Variants in PGBD4 observed in about 807,000 individuals in gnomAD.
PGBD4 encodes the protein piggyBac transposable element derived 4.
PGBD4 carries 1 observed loss-of-function variant against 0.3 expected under a neutral mutation model. The observed-to-expected ratio is 3.72, with a 90% CI of 1.32 to 17.64. The LOEUF (loss-of-function observed/expected upper bound fraction) is 17.64, where lower values mean the gene tolerates loss of function less well. Ranked by LOEUF, PGBD4 falls within the 30% of genes most tolerant of loss-of-function variation. PGBD4 has a pLI of 0.11. For synonymous variants in PGBD4, 253 were observed against 267.7 expected (o/e 0.95, Z 0.54); for missense variants, 624 against 719.7 (o/e 0.87, Z 1.52).
rs1426551346 is a variant in PGBD4, at chr15:34,106,832, G to T, written c.*2543G>T. 1 of 151,832 alleles carries T rather than the reference G, an allele frequency of 6.6e-6. No homozygotes were observed. Among genetic ancestry groups the T allele is most frequent in the African/African-American group, 2.4e-5 (1 of 41,330 alleles). 9.4% of individuals were successfully genotyped at this position (151,832 alleles called of 1,614,324 possible). On this transcript the variant is annotated 3_prime_UTR_variant, in exon 1 of 1. Transcript: ENST00000397766. ...TGCCTGTAGTCCCAGCTACTCAGAA[G>T]GTTGAAGCAGGAGGATCACTTGAGG...
At position 34,103,777 on chromosome 15, in the gene PGBD4, A is replaced by G; in HGVS notation, c.1246A>G (p.Lys416Glu). The stretch of plus-strand genomic sequence containing the variant: ...AAACAATAGAAATGGAAAGAAAACT[A>G]AAAGGCCACGTGTCATTGTGGATTA... ...EVNNRNGKKT[K>E]RPRVIVDYNE... The change falls in exon 1 of 1, where the codon AAA becomes GAA. Residue 416 changes from lysine (K) to glutamate (E), a missense_variant. Transcript: ENST00000397766. The surrounding 1 kb of genome is among the most constrained non-coding windows in gnomAD (Gnocchi z 4.6). The G allele has an allele frequency of 6.2e-7, 1 of 1,614,210 alleles. No individual in the cohort carries two copies. The highest frequency in any genetic ancestry group is 8.5e-7 in the Non-Finnish European group (1 of 1,180,054).
At position 34,105,593 on chromosome 15, in the gene PGBD4, T is replaced by G. The variant is rs1597409250; in HGVS notation, c.*1304T>G. 6.0e-6 allele frequency: 1 copy of G among 167,196 alleles called. No homozygotes were observed. Among genetic ancestry groups the G allele is most frequent in the South Asian group, 2.1e-4 (1 of 4,820 alleles). 10.4% of individuals were successfully genotyped at this position (167,196 alleles called of 1,614,324 possible). A position where few individuals can be genotyped will look rare whatever the true frequency, so the allele number is the denominator to read the frequency against. On this transcript the variant is annotated 3_prime_UTR_variant, in exon 1 of 1. Transcript: ENST00000397766. Reference sequence around the variant, plus strand: ...ATCAGCTACTGCAGTACTGGGGTACTTGCCTTCATCTTTTTTCTGAAGATA... The same window carrying G: ...ATCAGCTACTGCAGTACTGGGGTACGTGCCTTCATCTTTTTTCTGAAGATA...
rs1383878869 is a variant in PGBD4, at chr15:34,107,432, A to T, written c.*3143A>T. 1 of 152,176 alleles carries T rather than the reference A, an allele frequency of 6.6e-6. No homozygotes were observed. 9.4% of individuals were successfully genotyped at this position (152,176 alleles called of 1,614,324 possible). A position where few individuals can be genotyped will look rare whatever the true frequency, so the allele number is the denominator to read the frequency against. ...TGCCATGTGATTTCCACAGGTGTAT[A>T]TATGTAGCGTAATTAGTACTAGTAG... On this transcript the variant is annotated 3_prime_UTR_variant, in exon 1 of 1. Coordinates refer to ENST00000397766, the MANE Select transcript of PGBD4 (RefSeq NM_152595.5).
rs1229493775 is a variant in PGBD4, at chr15:34,107,500, TTGA to T, written c.*3216_*3218del. 2.0e-5 allele frequency: 3 copies of T among 152,328 alleles called. No homozygotes were observed. The highest frequency in any genetic ancestry group is 2.1e-4 in the South Asian group (1 of 4,830). The allele number at this position is 152,328 out of a possible 1,614,324, so 9.4% of individuals were successfully genotyped here. A position where few individuals can be genotyped will look rare whatever the true frequency, so the allele number is the denominator to read the frequency against. ...TCAAAGAGTATGTGCCTTTGTAATT[TTGA>T]TGATATTGTGAAATCTTCTTCCACA... On this transcript the variant is annotated 3_prime_UTR_variant, in exon 1 of 1. Transcript: ENST00000397766.
At position 34,102,647 on chromosome 15, in the gene PGBD4, A is replaced by G; in HGVS notation, c.116A>G (p.Asp39Gly). 6.2e-7 allele frequency: 1 copy of G among 1,614,130 alleles called. No homozygotes were observed. The highest frequency in any genetic ancestry group is 8.5e-7 in the Non-Finnish European group (1 of 1,180,038). ...ESDFSEIDDSDNFSDSALEAD... is the reference protein window; with the variant it reads ...ESDFSEIDDSGNFSDSALEAD... ...GATTTTTCGGAAATAGATGATTCTG[A>G]TAATTTTTCGGATAGTGCTTTAGAA... The change falls in exon 1 of 1, where the codon GAT (aspartate) becomes GGT (glycine). Residue 39 changes from aspartate to glycine, a missense_variant. By Grantham distance (94) the Asp-to-Gly change is moderately conservative (BLOSUM62 -1). Transcript: ENST00000397766. This position sits in a 1 kb window ranked among gnomAD's most constrained non-coding sequence, Gnocchi z 4.7.
Position 34,103,138 on chromosome 15 carries a change from T to C in PGBD4, c.607T>C (p.Cys203Arg). The C allele has an allele frequency of 6.2e-7, 1 of 1,614,046 alleles. No homozygotes were observed. Among genetic ancestry groups the C allele is most frequent in the Non-Finnish European group, 8.5e-7 (1 of 1,180,030 alleles). ...TGERFLLLFR[C>R]LHFVNNSSIS... ...TGAAAGATTTTTACTTTTGTTTCGG[T>C]GCCTGCATTTTGTCAACAATTCTTC... Residue 203 changes from cysteine to arginine, a missense_variant, in exon 1 of 1, where the codon TGC becomes CGC. Transcript: ENST00000397766. This position sits in a 1 kb window ranked among gnomAD's most constrained non-coding sequence, Gnocchi z 4.6.
Position 34,102,836 on chromosome 15 carries a change from C to T in PGBD4, c.305C>T (p.Thr102Ile). 1 of 1,614,182 alleles carries T rather than the reference C, an allele frequency of 6.2e-7. No homozygotes were observed. The highest frequency in any genetic ancestry group is 8.5e-7 in the Non-Finnish European group (1 of 1,180,048). ...PGRKVDVSDI[T>I]DPLQYFELFF... ...AGAAAAGTCGATGTCAGTGATATCA[C>T]TGACCCATTGCAGTATTTTGAACTG... The change falls in exon 1 of 1, where the codon ACT (threonine) becomes ATT (isoleucine). Residue 102 changes from threonine to isoleucine, a missense_variant. Physicochemically the swap from Thr to Ile is moderately conservative, Grantham distance 89. Coordinates refer to ENST00000397766, the MANE Select transcript of PGBD4 (RefSeq NM_152595.5). The surrounding 1 kb of genome is among the most constrained non-coding windows in gnomAD (Gnocchi z 4.7).
At position 34,102,348 on chromosome 15, in the gene PGBD4, A is replaced by G; in HGVS notation, c.-184A>G. 1.1e-6 allele frequency: 1 copy of G among 875,452 alleles called. No individual in the cohort carries two copies. Among genetic ancestry groups the G allele is most frequent in the Non-Finnish European group, 1.6e-6 (1 of 606,678 alleles). 54.2% of individuals were successfully genotyped at this position (875,452 alleles called of 1,614,324 possible). On this transcript the variant is annotated 5_prime_UTR_variant, in exon 1 of 1. Coordinates refer to ENST00000397766, the MANE Select transcript of PGBD4 (RefSeq NM_152595.5). This position sits in a 1 kb window ranked among gnomAD's most constrained non-coding sequence, Gnocchi z 4.7. ...CTGCGACTGCAGCGTTTACGCCGAG[A>G]TAACTCGTGGATTACAGTGCCAACC...
Position 34,102,676 on chromosome 15 carries a change from G to C in PGBD4, c.145G>C (p.Asp49His). 1 of 1,614,106 alleles carries C rather than the reference G, an allele frequency of 6.2e-7. No individual in the cohort carries two copies. The highest frequency in any genetic ancestry group is 8.5e-7 in the Non-Finnish European group (1 of 1,180,030). ...TTTTTCGGATAGTGCTTTAGAAGCC[G>C]ATAAGATCAGGCCTCTGTCCCATTT... ...DNFSDSALEA[D>H]KIRPLSHLES... The change falls in exon 1 of 1, where the codon GAT becomes CAT. Residue 49 changes from aspartate (D) to histidine (H), a missense_variant. Asp to His is a moderately conservative substitution (Grantham distance 81, BLOSUM62 -1). Coordinates refer to ENST00000397766, the MANE Select transcript of PGBD4 (RefSeq NM_152595.5). This position sits in a 1 kb window ranked among gnomAD's most constrained non-coding sequence, Gnocchi z 4.7.
In PGBD4 at chr15:34,102,612, TGATGAATCTGATTTTTCGGAAATA is replaced by T. The variant is rs1567505074; in HGVS notation, c.87_110del (p.Glu29_Asp36del). 6.2e-7 allele frequency: 1 copy of T among 1,612,740 alleles called. No individual in the cohort carries two copies. Among genetic ancestry groups the T allele is most frequent in the Non-Finnish European group, 8.5e-7 (1 of 1,179,410 alleles). On this transcript the variant is annotated inframe_deletion, in exon 1 of 1. Coordinates refer to ENST00000397766, the MANE Select transcript of PGBD4 (RefSeq NM_152595.5). This position sits in a 1 kb window ranked among gnomAD's most constrained non-coding sequence, Gnocchi z 4.7. ...AACAGTTGTTGGCTGAAGATTCATT[TGATGAATCTGATTTTTCGGAAATA>T]GATGATTCTGATAATTTTTCGGATA...
Position 34,104,073 on chromosome 15 carries a change from CA to C in PGBD4, c.1543del (p.Thr515HisfsTer90). On this transcript the variant is annotated frameshift_variant, in exon 1 of 1. Transcript: ENST00000397766. LOFTEE classifies it low-confidence loss of function (END_TRUNC). ...GAGGTCGTCCTTGCTCCGATGATGT[CA>C]CACCTCTTCGTCTGTCTGGAAGACA... ...LRGRPCSDDVTPLRLSGRHFP... is the reference protein window; with the variant it reads ...LRGRPCSDDVXPLRLSGRHFP... The C allele has an allele frequency of 6.2e-7, 1 of 1,614,190 alleles. No individual in the cohort carries two copies. Among genetic ancestry groups the C allele is most frequent in the Non-Finnish European group, 8.5e-7 (1 of 1,180,036 alleles).
Position 34,103,884 on chromosome 15 carries a change from G to GTA in PGBD4, c.1356_1357dup (p.Lys453IlefsTer14). 1 of 1,614,010 alleles carries GTA rather than the reference G, an allele frequency of 6.2e-7. No homozygotes were observed. The highest frequency in any genetic ancestry group is 8.5e-7 in the Non-Finnish European group (1 of 1,180,022). On this transcript the variant is annotated frameshift_variant, in exon 1 of 1. Transcript: ENST00000397766. LOFTEE classifies it low-confidence loss of function (END_TRUNC). This position sits in a 1 kb window ranked among gnomAD's most constrained non-coding sequence, Gnocchi z 4.6. ...CTGAGCGCAAAAGACACAAGGTTTG[G>GTA]TATAAGAAATTCTTTCACCATCTTC...
chr15:34,104,310 C>T lies in PGBD4; in HGVS notation c.*21C>T. 4 of 1,591,818 alleles carry T rather than the reference C, an allele frequency of 2.5e-6. No individual in the cohort carries two copies. The African/African-American group carries it at 5.4e-5, about 21-fold the overall frequency. Reference sequence around the variant, plus strand: ...ATTAAATACCGATCATCATACACATCTGTTCCATTAGGATTAGAGACAAGT... The same window carrying T: ...ATTAAATACCGATCATCATACACATTTGTTCCATTAGGATTAGAGACAAGT... On this transcript the variant is annotated 3_prime_UTR_variant, in exon 1 of 1. Coordinates refer to ENST00000397766, the MANE Select transcript of PGBD4 (RefSeq NM_152595.5).
At position 34,103,935 on chromosome 15, in the gene PGBD4, C is replaced by A; in HGVS notation, c.1404C>A (p.Tyr468Ter). 1 of 1,614,138 alleles carries A rather than the reference C, an allele frequency of 6.2e-7. No individual in the cohort carries two copies. Among genetic ancestry groups the A allele is most frequent in the Non-Finnish European group, 8.5e-7 (1 of 1,180,038 alleles). ...TACACATTACAGTGCTGAACTCCTA[C>A]ATCCTGTTCAAGAAGGATAATCCTG... The part of the protein sequence containing the change: ...HLLHITVLNS[Y>*]ILFKKDNPEH... The change falls in exon 1 of 1, where the codon TAC (tyrosine) becomes TAA (stop). Residue 468 changes from tyrosine (Y) to a stop codon, truncating the protein, a stop_gained. Coordinates refer to ENST00000397766, the MANE Select transcript of PGBD4 (RefSeq NM_152595.5). LOFTEE classifies it low-confidence loss of function (END_TRUNC). This position sits in a 1 kb window ranked among gnomAD's most constrained non-coding sequence, Gnocchi z 4.6.
At position 34,103,716 on chromosome 15, in the gene PGBD4, G is replaced by A; in HGVS notation, c.1185G>A (p.Met395Ile). 3.1e-6 allele frequency: 5 copies of A among 1,614,168 alleles called. No individual in the cohort carries two copies. Among genetic ancestry groups the A allele is most frequent in the Non-Finnish European group, 4.2e-6 (5 of 1,180,020 alleles). ...LKWCDGKEVTMLSTFHNDTVI... is the reference protein window; with the variant it reads ...LKWCDGKEVTILSTFHNDTVI... ...GGTGTGACGGCAAGGAGGTGACAAT[G>A]TTGTCAACATTCCACAATGATACTG... The change falls in exon 1 of 1, where the codon ATG becomes ATA. Residue 395 changes from methionine to isoleucine, a missense_variant. Coordinates refer to ENST00000397766, the MANE Select transcript of PGBD4 (RefSeq NM_152595.5). The surrounding 1 kb of genome is among the most constrained non-coding windows in gnomAD (Gnocchi z 4.6).
chr15:34,103,994 C>T lies in PGBD4; in HGVS notation c.1463C>T (p.Ala488Val). Residue 488 changes from alanine (A) to valine (V), a missense_variant, in exon 1 of 1, where the codon GCA (alanine) becomes GTA (valine). Physicochemically the swap from Ala to Val is moderately conservative, Grantham distance 64. Coordinates refer to ENST00000397766, the MANE Select transcript of PGBD4 (RefSeq NM_152595.5). This position sits in a 1 kb window ranked among gnomAD's most constrained non-coding sequence, Gnocchi z 4.6. ...HTMSHINFRL[A>V]LIERMLEKHH... Reference sequence around the variant, plus strand: ...ATGAGCCATATAAACTTCAGACTGGCATTGATTGAAAGAATGCTGGAAAAG... The same window carrying T: ...ATGAGCCATATAAACTTCAGACTGGTATTGATTGAAAGAATGCTGGAAAAG... 2 of 1,614,074 alleles carry T rather than the reference C, an allele frequency of 1.2e-6. No homozygotes were observed. The highest frequency in any genetic ancestry group is 1.1e-5 in the South Asian group (1 of 91,084).
rs1157192038 is a variant in PGBD4 at position 34,104,080 on chromosome 15, C to G, written c.1549C>G (p.Leu517Val). 6.2e-7 allele frequency: 1 copy of G among 1,614,236 alleles called. No homozygotes were observed. Among genetic ancestry groups the G allele is most frequent in the South Asian group, 1.1e-5 (1 of 91,084 alleles). Residue 517 changes from leucine to valine, a missense_variant, in exon 1 of 1, where the codon CTT becomes GTT. Transcript: ENST00000397766. The stretch of plus-strand genomic sequence containing the variant: ...TCCTTGCTCCGATGATGTCACACCT[C>G]TTCGTCTGTCTGGAAGACATTTCCC... ...GRPCSDDVTP[L>V]RLSGRHFPKS...
Position 34,104,280 on chromosome 15 carries a change from A to C in PGBD4, c.1749A>C (p.Lys583Asn), listed in dbSNP as rs1901239084. ...VPCFEIYHTK[K>N]NY ...GCTTTGAAATTTACCACACGAAAAA[A>C]AATTATTAAATACCGATCATCATAC... The change falls in exon 1 of 1, where the codon AAA becomes AAC. Residue 583 changes from lysine (K) to asparagine (N), a missense_variant. Transcript: ENST00000397766. 6.2e-7 allele frequency: 1 copy of C among 1,611,066 alleles called. No homozygotes were observed. The highest frequency in any genetic ancestry group is 1.3e-5 in the African/African-American group (1 of 74,900).
Position 34,104,165 on chromosome 15 carries a change from G to T in PGBD4, c.1634G>T (p.Cys545Phe), listed in dbSNP as rs1381354179. 3 of 1,614,192 alleles carry T rather than the reference G, an allele frequency of 1.9e-6. No individual in the cohort carries two copies. Among genetic ancestry groups the T allele is most frequent in the Non-Finnish European group, 2.5e-6 (3 of 1,180,050 alleles). Residue 545 changes from cysteine to phenylalanine, a missense_variant, in exon 1 of 1, where the codon TGC becomes TTC. By Grantham distance (205) the Cys-to-Phe change is radical. Coordinates refer to ENST00000397766, the MANE Select transcript of PGBD4 (RefSeq NM_152595.5). Reference protein sequence around the residue: ...QNPTGRCKICCSQYDKDGKKI... With the variant: ...QNPTGRCKICFSQYDKDGKKI... ...CCAACTGGTCGCTGCAAAATTTGCT[G>T]CTCCCAATACGACAAGGATGGCAAG...
Sources: allele counts gnomAD v4.1 joint callset, GRCh38; gene constraint gnomAD v4.1.1; non-coding constraint Gnocchi (gnomAD v3.1); transcripts MANE v1.5; gene names NCBI Gene and HGNC (gene_info 2026-07-23, HGNC 2026-07-21).